GPC5: variants seen among roughly 807,000 people sequenced by gnomAD.
The protein encoded by GPC5 is glypican 5.
In GPC5, 47 loss-of-function variants were observed where a neutral mutation model predicts 53.9. That is an observed-to-expected ratio of 0.87 (90% CI 0.69 to 1.11). The LOEUF (loss-of-function observed/expected upper bound fraction) is 1.11. GPC5 is among the 50% of genes most tolerant of loss of function. The pLI is 0.00. For synonymous variants in GPC5, 286 were observed against 263.3 expected, an observed-to-expected ratio of 1.09 and a Z score of -0.84; for missense variants, 748 against 713.1, an observed-to-expected ratio of 1.05 and a Z score of -0.56.
chr13:91,742,013 C>T (rs1163313809), intron 4 of GPC5, among the ~76,000 whole-genome samples: 2 of 152,060 alleles, frequency 1.3e-5, no homozygotes, highest in African/African-American at 4.8e-5. Flanking sequence ...AAAAAATCTG[C>T]TTAATGTAAA....
chr13:91,693,989 A>G, intron 3 of GPC5, 108 bp downstream of exon 3: 1 of 826,350 alleles, frequency 1.2e-6, no homozygotes, highest in Non-Finnish European at 1.8e-6. Flanking sequence ...TATTCAATCC[A>G]AGATATTATT....
intron 7 of GPC5, among the ~76,000 whole-genome samples, chr13:92,505,908 A>G (rs1566619543): frequency 6.6e-6 from 1 of 152,126 alleles, no homozygotes; most frequent in Non-Finnish European, 1.5e-5. Context: ...CTCTAAAAAG[A>G]TAAAACTTCA....
intron 6 of GPC5, among the ~76,000 whole-genome samples, chr13:92,034,248 C>T (rs921512260): frequency 1.3e-5 from 2 of 152,126 alleles, no homozygotes. Context: ...GTAATCTCAG[C>T]ACTTTGGGAG....
chr13:92,804,883 A>T (rs550357219), intron 7 of GPC5, among the ~76,000 whole-genome samples: 7 of 152,066 alleles, frequency 4.6e-5, no homozygotes, highest in Non-Finnish European at 8.8e-5. Flanking sequence ...GGTTCTCAGC[A>T]TCTTTCCCAG....
intron 2 of GPC5, 40 bp from the exon 3 acceptor site, chr13:91,693,147 T>C: frequency 7.0e-7 from 1 of 1,433,048 alleles, no homozygotes; most frequent in Non-Finnish European, 9.7e-7. Flanking sequence ...TTAGCATGAA[T>C]ACTAAACCTT....
chr13:92,728,375 T>A (rs776251609), intron 7 of GPC5, among the ~76,000 whole-genome samples: 1 of 151,486 alleles, frequency 6.6e-6, no homozygotes, highest in African/African-American at 2.4e-5. Context: ...CTTGAATGTA[T>A]AGGGATAGAC....
chr13:91,802,437 C>A (rs1397529436), intron 5 of GPC5, among the ~76,000 whole-genome samples: 1 of 152,136 alleles, frequency 6.6e-6, no homozygotes, highest in South Asian at 2.1e-4. Context: ...ACTGCAGACC[C>A]AAAGTGAGCA....
At chr13:92,443,803 T>C (rs1015123121) in intron 7 of GPC5, among the ~76,000 whole-genome samples, 5 of 152,170 alleles carry the variant, frequency 3.3e-5, no homozygotes, top group African/African-American at 9.7e-5. Context: ...TGGCCATCTA[T>C]TGAATAAGGA....
rs1594605481 is a variant in GPC5, at chr13:91,834,396, T to C, written c.1281-73541T>C. On this transcript the variant is annotated intron_variant, in intron 5 of 7. Coordinates refer to ENST00000377067, the MANE Select transcript of GPC5 (RefSeq NM_004466.6). ...TCTTCACAGAATTGGAAAAAACTAC[T>C]TTAAATTTCATATGGAACCAAAAAA... Among the ~76,000 whole-genome samples, 4 of 152,252 alleles carry C rather than the reference T, an allele frequency of 2.6e-5. No individual in the cohort carries two copies. In the East Asian group the frequency reaches 7.7e-4, roughly 29 times the overall value.
At chr13:92,384,050 C>T (rs1162447606) in intron 7 of GPC5, among the ~76,000 whole-genome samples, 1 of 151,216 alleles carries the variant, frequency 6.6e-6, no homozygotes, top group African/African-American at 2.4e-5. Context: ...TTTAGTGCAG[C>T]AAAGAGAGAA....
chr13:91,866,197 A>G (rs933589930), intron 5 of GPC5, among the ~76,000 whole-genome samples: 3 of 152,180 alleles, frequency 2.0e-5, no homozygotes, highest in Non-Finnish European at 4.4e-5. Flanking sequence ...ATGCTTCTGA[A>G]AGTTTCAAAG....
chr13:91,729,036 G>A (rs2036637337), intron 4 of GPC5, among the ~76,000 whole-genome samples: 1 of 152,160 alleles, frequency 6.6e-6, no homozygotes, highest in Non-Finnish European at 1.5e-5. Flanking sequence ...ATTTTAAATT[G>A]TAAATATGGC....
chr13:92,131,513 A>G (rs995710128), intron 6 of GPC5, among the ~76,000 whole-genome samples: 14 of 152,068 alleles, frequency 9.2e-5, no homozygotes, highest in African/African-American at 3.4e-4. Context: ...TATGAACTAT[A>G]GGTATATATA....
intron 2 of GPC5, among the ~76,000 whole-genome samples, chr13:91,536,493 G>A (rs1370641314): frequency 1.3e-5 from 2 of 152,094 alleles, no homozygotes; most frequent in African/African-American, 4.8e-5. Flanking sequence ...TTATTTAAAA[G>A]GTTTATCTTG....
intron 7 of GPC5, among the ~76,000 whole-genome samples, chr13:92,643,260 T>G (rs1211260038): frequency 6.6e-6 from 1 of 152,154 alleles, no homozygotes; most frequent in Non-Finnish European, 1.5e-5. Flanking sequence ...TGTCTTTTGT[T>G]GCCATTGCTT....
chr13:92,256,724 C>G (rs1272398021), intron 7 of GPC5, among the ~76,000 whole-genome samples: 1 of 151,284 alleles, frequency 6.6e-6, no homozygotes, highest in East Asian at 1.9e-4. Flanking sequence ...TCAGTATTTC[C>G]TGAGGTGAAT....
At chr13:91,647,550 C>T (rs2034591868) in intron 2 of GPC5, among the ~76,000 whole-genome samples, 1 of 152,226 alleles carries the variant, frequency 6.6e-6, no homozygotes, top group Non-Finnish European at 1.5e-5. Context: ...CCGTGCTGCC[C>T]CCTGTCGGGC....
At chr13:91,994,205 G>A (rs889608639) in intron 6 of GPC5, among the ~76,000 whole-genome samples, 9 of 152,310 alleles carry the variant, frequency 5.9e-5, no homozygotes, top group South Asian at 2.1e-4. Context: ...CATGTATACC[G>A]TAAAGGAGAG....
At chr13:92,691,710 C>G (rs1887405831) in intron 7 of GPC5, among the ~76,000 whole-genome samples, 1 of 151,678 alleles carries the variant, frequency 6.6e-6, no homozygotes, top group African/African-American at 2.4e-5. Flanking sequence ...ACATAATTCT[C>G]CACTTATTTG....
Sources: allele counts gnomAD v4.1 joint callset (sites outside exome capture counted in the v4.1 genomes callset), GRCh38; gene constraint gnomAD v4.1.1; transcripts MANE v1.5; gene names NCBI Gene and HGNC (gene_info 2026-07-23, HGNC 2026-07-21).